LRMDA: variants seen among roughly 807,000 people sequenced by gnomAD.
LRMDA encodes leucine-rich melanocyte differentiation-associated protein.
In LRMDA, 18 loss-of-function variants were observed where a neutral mutation model predicts 29.8. The ratio of observed to expected loss-of-function variants is 0.60; its 90% CI spans 0.42 to 0.90. The LOEUF (loss-of-function observed/expected upper bound fraction) is 0.90. Ranked by LOEUF, LRMDA falls within the 40% of genes least tolerant of loss-of-function variation. The pLI, the probability that LRMDA is intolerant of heterozygous loss-of-function variation, is 0.00. For missense variants in LRMDA, 273 were observed against 273.9 expected (o/e 1.00, Z 0.02); for synonymous variants, 125 against 109.4 (o/e 1.14, Z -0.89).
At position 75,783,497 on chromosome 10, in the gene LRMDA, A is replaced by AG. The variant is rs927528317; in HGVS notation, c.132-252511_132-252510insG. On this transcript the variant is annotated intron_variant, in intron 2 of 6. Coordinates refer to ENST00000611255, the MANE Select transcript of LRMDA (RefSeq NM_001305581.2). ...TACTGCTCAGAGGCAAAAAAAAAAAAAAAAAAAGTCTGAGAATGGTTTCTG... is the reference window on the plus strand; with the variant it reads ...TACTGCTCAGAGGCAAAAAAAAAAAAGAAAAAAAGTCTGAGAATGGTTTCTG... 2.9e-4 allele frequency among the ~76,000 whole-genome samples: 44 copies of AG among 152,098 alleles called. No homozygotes were observed. The East Asian group carries it at 7.2e-3, about 25-fold the overall frequency.
chr10:75,924,552 T>C (rs1301024521), intron 2 of LRMDA, among the ~76,000 whole-genome samples: 1 of 152,058 alleles, frequency 6.6e-6, no homozygotes, highest in African/African-American at 2.4e-5. Context: ...GTGACAGTGG[T>C]CTGTCAGGAA....
chr10:75,547,877 CCTTTTCTTGAACCGCAG>C (rs1222297566), intron 2 of LRMDA, among the ~76,000 whole-genome samples: 4 of 152,106 alleles, frequency 2.6e-5, no homozygotes, highest in African/African-American at 9.7e-5. Context: ...CTCCTTTGGA[CCTTTTCTTGAACCGCAG>C]CTGGCTTGGT....
At chr10:75,949,097 A>G (rs77900086) in intron 2 of LRMDA, among the ~76,000 whole-genome samples, 6,576 of 152,186 alleles carry the variant, frequency 0.043, 303 homozygotes, top group African/African-American at 0.11. Context: ...CTTTTAAAAA[A>G]AATTGCTGCA....
chr10:75,566,211 C>A (rs1469240296), intron 2 of LRMDA, among the ~76,000 whole-genome samples: 1 of 152,196 alleles, frequency 6.6e-6, no homozygotes, highest in African/African-American at 2.4e-5. Flanking sequence ...CCACAGCACT[C>A]ACAGTTTATA....
intron 2 of LRMDA, among the ~76,000 whole-genome samples, chr10:75,499,633 G>T (rs930348037): frequency 6.6e-6 from 1 of 152,204 alleles, no homozygotes; most frequent in Admixed American, 6.5e-5. Flanking sequence ...CACAATCGGG[G>T]CTATGATTCT....
chr10:76,188,256 G>A (rs760793599), intron 5 of LRMDA, among the ~76,000 whole-genome samples: 20 of 152,324 alleles, frequency 1.3e-4, no homozygotes, highest in Non-Finnish European at 1.8e-4. Context: ...TCCTGGCTGG[G>A]ATTATGATAG....
chr10:75,756,110 G>T (rs1215148136), intron 2 of LRMDA, among the ~76,000 whole-genome samples: 1 of 152,172 alleles, frequency 6.6e-6, no homozygotes, highest in African/African-American at 2.4e-5. Flanking sequence ...TGATTTTTGT[G>T]CTGGGGCAGA....
chr10:76,273,527 T>C (rs1429917267), intron 5 of LRMDA, among the ~76,000 whole-genome samples: 1 of 152,240 alleles, frequency 6.6e-6, no homozygotes, highest in Non-Finnish European at 1.5e-5. Context: ...TCATTGCTTG[T>C]GTGTAAGTTT....
rs950150863 is a variant in LRMDA, at chr10:75,565,895, C to T, written c.131+127401C>T. Among the ~76,000 whole-genome samples the T allele has an allele frequency of 7.9e-5, 12 of 152,068 alleles. No individual in the cohort carries two copies. The South Asian group carries it at 1.0e-3, about 13-fold the overall frequency. On this transcript the variant is annotated intron_variant, in intron 2 of 6. Transcript: ENST00000611255. ...TTTAAGACCAGCCTAGGAAACATAG[C>T]GAGACCACATCTCTATAAAAAATTT...
intron 2 of LRMDA, among the ~76,000 whole-genome samples, chr10:75,600,841 TC>T (rs904523470): frequency 6.6e-6 from 1 of 152,224 alleles, no homozygotes; most frequent in Non-Finnish European, 1.5e-5. Context: ...GATCTACTAA[TC>T]CTTCAAGTGT....
In LRMDA at chr10:76,299,741, T is replaced by C. The variant is rs138264512; in HGVS notation, c.517-24660T>C. The stretch of plus-strand genomic sequence containing the variant: ...GGTTGGAGGAATCTTCGCAATCTGC[T>C]GTCTTCATTTTCAACACCAGTAAGA... On this transcript the variant is annotated intron_variant, in intron 5 of 6. Transcript: ENST00000611255. Among the ~76,000 whole-genome samples the C allele has an allele frequency of 3.3e-5, 5 of 152,236 alleles. No homozygotes were observed. In the East Asian group the frequency reaches 9.7e-4, roughly 29 times the overall value.
chr10:75,438,336 T>C, intron 1 of LRMDA, 58 bp from the exon 2 acceptor site: 1 of 1,311,068 alleles, frequency 7.6e-7, no homozygotes, highest in Admixed American at 2.0e-5. Flanking sequence ...ATTTCAGGGT[T>C]GGGAGCAGCT....
intron 2 of LRMDA, among the ~76,000 whole-genome samples, chr10:75,717,430 T>G (rs1013580870): frequency 2.6e-5 from 4 of 152,200 alleles, no homozygotes; most frequent in Non-Finnish European, 4.4e-5. Context: ...CTTGAGCACA[T>G]AAAACGGAAG....
intron 6 of LRMDA, among the ~76,000 whole-genome samples, chr10:76,413,431 A>G (rs1480529772): frequency 6.6e-6 from 1 of 152,230 alleles, no homozygotes; most frequent in African/African-American, 2.4e-5. Context: ...CTTACATGGC[A>G]GCAAGCAAGA....
chr10:76,325,149 G>A (rs750629821), intron 6 of LRMDA, among the ~76,000 whole-genome samples: 2 of 152,154 alleles, frequency 1.3e-5, no homozygotes, highest in Non-Finnish European at 1.5e-5. Flanking sequence ...ACTTGTACAC[G>A]TAAAGGTGAA....
At chr10:75,802,366 C>A (rs1054806330) in intron 2 of LRMDA, among the ~76,000 whole-genome samples, 102 of 146,224 alleles carry the variant, frequency 7.0e-4, no homozygotes, top group Non-Finnish European at 1.2e-3. Context: ...CACACACACA[C>A]AATAGGGAAG....
chr10:76,182,533 C>T (rs1851068655), intron 5 of LRMDA, among the ~76,000 whole-genome samples: 1 of 152,166 alleles, frequency 6.6e-6, no homozygotes, highest in African/African-American at 2.4e-5. Flanking sequence ...CCGGTGCCTC[C>T]TGGGAAGCAG....
At chr10:76,204,001 T>C (rs1022070315) in intron 5 of LRMDA, among the ~76,000 whole-genome samples, 2 of 137,450 alleles carry the variant, frequency 1.5e-5, no homozygotes, top group African/African-American at 5.6e-5. Flanking sequence ...CATGTGCCCA[T>C]CCACCCATCT....
chr10:75,764,515 G>A (rs1843135835), intron 2 of LRMDA, among the ~76,000 whole-genome samples: 2 of 152,196 alleles, frequency 1.3e-5, no homozygotes, highest in South Asian at 4.1e-4. Flanking sequence ...TGGTAGACAG[G>A]AAGTACACAA....
Sources: gnomAD v4.1 joint callset for allele counts (sites outside exome capture counted in the v4.1 genomes callset) on GRCh38, gnomAD v4.1.1 for gene constraint, MANE v1.5 for transcripts, NCBI Gene and HGNC (gene_info 2026-07-23, HGNC 2026-07-21) for gene names.